DCDC1: variants seen among roughly 807,000 people sequenced by gnomAD.
DCDC1 encodes the protein doublecortin domain containing 1.
Under a neutral mutation model 178.3 loss-of-function variants are expected in DCDC1, and 200 were observed. The observed-to-expected ratio is 1.12, with a 90% CI of 1.00 to 1.26. The LOEUF (loss-of-function observed/expected upper bound fraction) is 1.26, where lower values mean the gene tolerates loss of function less well. DCDC1 is among the 50% of genes most tolerant of loss of function. The pLI is 0.00. For synonymous variants in DCDC1, 690 were observed against 604.8 expected, an observed-to-expected ratio of 1.14 and a Z score of -2.07; for missense variants, 1,983 against 1,749.2, an observed-to-expected ratio of 1.13 and a Z score of -2.38.
intron 9 of DCDC1, among the ~76,000 whole-genome samples, chr11:31,159,146 C>T (rs886214505): frequency 6.6e-6 from 1 of 152,080 alleles, no homozygotes; most frequent in South Asian, 2.1e-4. Flanking sequence ...AAGCACTGTG[C>T]AAATATTTTT....
intron 36 of DCDC1, among the ~76,000 whole-genome samples, chr11:30,891,111 A>G (rs1943737326): frequency 6.6e-6 from 1 of 152,194 alleles, no homozygotes; most frequent in African/African-American, 2.4e-5. Flanking sequence ...CCTTGGATAT[A>G]GTTTTTTAAA....
At chr11:30,985,589 CTA>C (rs1950599643) in intron 20 of DCDC1, among the ~76,000 whole-genome samples, 3 of 152,054 alleles carry the variant, frequency 2.0e-5, no homozygotes, top group Admixed American at 2.0e-4. Flanking sequence ...AGAAGATAGA[CTA>C]TTTTTATCAC....
At chr11:31,016,887 G>C (rs1424495205) in intron 20 of DCDC1, among the ~76,000 whole-genome samples, 2 of 152,180 alleles carry the variant, frequency 1.3e-5, no homozygotes, top group Non-Finnish European at 2.9e-5. Context: ...GTCATATTAA[G>C]TTTCTGTCAG....
chr11:30,888,082 G>A (rs10835718), intron 36 of DCDC1, among the ~76,000 whole-genome samples: 14,595 of 95,416 alleles, frequency 0.15, 1,823 homozygotes, highest in African/African-American at 0.26. Flanking sequence ...GAGAGAGAGA[G>A]AGAAAGAAAG....
At chr11:30,893,047 G>A (rs767519935) in intron 35 of DCDC1, 50 bp from the exon 36 acceptor site, 51 of 1,582,062 alleles carry the variant, frequency 3.2e-5, no homozygotes, top group Non-Finnish European at 4.2e-5. Context: ...TGTCTGGATA[G>A]TGTTTGTGAA....
chr11:31,349,354 G>A (rs372036975), intron 1 of DCDC1, among the ~76,000 whole-genome samples: 2 of 152,114 alleles, frequency 1.3e-5, no homozygotes, highest in East Asian at 1.9e-4. Flanking sequence ...ACCACTTTGC[G>A]AATTCCTGAC....
At chr11:30,949,968 C>T (rs996215752) in intron 21 of DCDC1, among the ~76,000 whole-genome samples, 3 of 152,000 alleles carry the variant, frequency 2.0e-5, no homozygotes, top group Admixed American at 6.6e-5. Flanking sequence ...CAACCCTGCA[C>T]GTTGTGTACC....
chr11:31,160,081 A>T (rs1183324081), intron 9 of DCDC1, among the ~76,000 whole-genome samples: 1 of 152,216 alleles, frequency 6.6e-6, no homozygotes, highest in Non-Finnish European at 1.5e-5. Context: ...TTAATAGGTG[A>T]CTATAAGCCC....
At chr11:31,223,817 A>G (rs977967569) in intron 9 of DCDC1, among the ~76,000 whole-genome samples, 1 of 152,154 alleles carries the variant, frequency 6.6e-6, no homozygotes, top group East Asian at 1.9e-4. Flanking sequence ...ATATATACAT[A>G]TAAATATGAA....
intron 7 of DCDC1, chr11:31,280,871 T>C (rs1591630330): frequency 1.6e-6 from 1 of 637,036 alleles, no homozygotes; most frequent in Middle Eastern, 3.2e-4. Flanking sequence ...ACCTGTCTTC[T>C]GCCCGAAGAG....
In DCDC1 at chr11:31,157,372, A is replaced by AAAAAAAT. The variant is rs71060478; in HGVS notation, c.1222-19589_1222-19588insATTTTTT. Among the ~76,000 whole-genome samples, 498 of 96,848 alleles carry AAAAAAAT rather than the reference A, an allele frequency of 5.1e-3. 4 individuals carry two copies. Among genetic ancestry groups the AAAAAAAT allele is most frequent in the East Asian group, 0.019 (57 of 3,032 alleles). The allele number at this position is 96,848 out of a possible 152,430, so 63.5% of individuals were successfully genotyped here. A position where few individuals can be genotyped will look rare whatever the true frequency, so the allele number is the denominator to read the frequency against. On this transcript the variant is annotated intron_variant, in intron 9 of 38. Transcript: ENST00000684477. Reference sequence around the variant, plus strand: ...CCCTTTCTCAAAAAAAAAAAAAAAAAATATATATATATATACATATATATA... The same window carrying AAAAAAAT: ...CCCTTTCTCAAAAAAAAAAAAAAAAAAAAAAATATATATATATATATACATATATATA...
chr11:30,915,754 T>G, intron 26 of DCDC1, 43 bp from the exon 27 acceptor site: 1 of 1,570,420 alleles, frequency 6.4e-7, no homozygotes, highest in South Asian at 1.2e-5. Context: ...AAATGTCCCA[T>G]GCACTTGATC....
chr11:31,169,495 G>C (rs1338331379), intron 9 of DCDC1, among the ~76,000 whole-genome samples: 1 of 152,130 alleles, frequency 6.6e-6, no homozygotes, highest in Non-Finnish European at 1.5e-5. Flanking sequence ...GTCAGAACAA[G>C]GCTCTTTCCT....
chr11:31,313,949 C>T (rs183263037), intron 3 of DCDC1, among the ~76,000 whole-genome samples: 1 of 152,214 alleles, frequency 6.6e-6, no homozygotes, highest in African/African-American at 2.4e-5. Flanking sequence ...ATCATCTTGT[C>T]CTGGAAGTGT....
intron 38 of DCDC1, among the ~76,000 whole-genome samples, chr11:30,874,320 CTG>C (rs1489738642): frequency 6.6e-6 from 1 of 152,188 alleles, no homozygotes; most frequent in Non-Finnish European, 1.5e-5. Flanking sequence ...GCCTGGAAAT[CTG>C]TATTTTATCT....
chr11:31,102,247 T>C lies in DCDC1; in HGVS notation c.1913A>G (p.Asn638Ser), dbSNP rs1958560348. ...GTCAGGTATCTGTTGACTGGTACAG[T>C]TGAAATTAATTGGAAATCCCTCACA... ...EVCEGFPINF[N>S]CTSQQIPDQF... The change falls in exon 15 of 39, where the codon AAC (asparagine) becomes AGC (serine). Residue 638 changes from asparagine (N) to serine (S), a missense_variant. Physicochemically the swap from Asn to Ser is conservative, Grantham distance 46. Coordinates refer to ENST00000684477, the MANE Select transcript of DCDC1 (RefSeq NM_001387274.1). 1.4e-6 allele frequency: 1 copy of C among 729,502 alleles called. No homozygotes were observed. Among genetic ancestry groups the C allele is most frequent in the Non-Finnish European group, 2.5e-6 (1 of 394,976 alleles). 45.2% of individuals were successfully genotyped at this position (729,502 alleles called of 1,614,324 possible). A position where few individuals can be genotyped will look rare whatever the true frequency, so the allele number is the denominator to read the frequency against.
At chr11:31,274,598 C>A (rs947013773) in intron 7 of DCDC1, among the ~76,000 whole-genome samples, 4 of 151,392 alleles carry the variant, frequency 2.6e-5, no homozygotes, top group Non-Finnish European at 5.9e-5. Flanking sequence ...ATCGAAAGGT[C>A]AGCATATGAA....
chr11:31,039,882 T>C (rs181838052), intron 20 of DCDC1, among the ~76,000 whole-genome samples: 32 of 152,304 alleles, frequency 2.1e-4, no homozygotes, highest in African/African-American at 6.5e-4. Flanking sequence ...GGCGATTTAG[T>C]TCTATCATTC....
rs116455503 is a variant in DCDC1 at position 31,170,121 on chromosome 11, C to A, written c.1222-32337G>T. ...TGTATGCTTTAGAAAGTAGAATGCA[C>A]TAAGTTTGGCTACAGATAAGGGAAA... is the stretch of plus-strand genomic sequence containing the variant. On this transcript the variant is annotated intron_variant, in intron 9 of 38. Transcript: ENST00000684477. Among the ~76,000 whole-genome samples the A allele has an allele frequency of 2.2e-3, 335 of 152,214 alleles. 2 individuals carry two copies. The highest frequency in any genetic ancestry group is 7.8e-3 in the African/African-American group (324 of 41,524).
Sources: allele counts gnomAD v4.1 joint callset (sites outside exome capture counted in the v4.1 genomes callset), GRCh38; gene constraint gnomAD v4.1.1; transcripts MANE v1.5; gene names NCBI Gene and HGNC (gene_info 2026-07-23, HGNC 2026-07-21).